Variants in MIPOL1 observed in about 807,000 individuals in gnomAD.
MIPOL1 encodes mirror-image polydactyly gene 1 protein.
Under a neutral mutation model 60.9 loss-of-function variants are expected in MIPOL1, and 57 were observed. That is an observed-to-expected ratio of 0.94 (90% CI 0.76 to 1.17). The LOEUF is 1.17. Among genes scored for constraint, MIPOL1 ranks in the 50% most tolerant of loss-of-function variants. MIPOL1 has a pLI of 0.00. For synonymous variants in MIPOL1, 179 were observed against 168.8 expected (o/e 1.06, Z -0.47); for missense variants, 551 against 511.6 (o/e 1.08, Z -0.74).
intron 5 of MIPOL1, 100 bp from the exon 6 acceptor site, chr14:37,270,317 TATA>T: frequency 1.9e-6 from 1 of 524,062 alleles, no homozygotes; most frequent in Non-Finnish European, 3.3e-6. Context: ...GGAAGTTAAA[TATA>T]ATATAAGAAT....
intron 11 of MIPOL1, among the ~76,000 whole-genome samples, chr14:37,496,892 C>A (rs1380794496): frequency 6.6e-6 from 1 of 151,742 alleles, no homozygotes; most frequent in East Asian, 1.9e-4. Flanking sequence ...CACTACCTGA[C>A]TTCAAACTAT....
chr14:37,438,185 A>G (rs2094191783), intron 11 of MIPOL1, among the ~76,000 whole-genome samples: 1 of 152,206 alleles, frequency 6.6e-6, no homozygotes, highest in Non-Finnish European at 1.5e-5. Context: ...CAAATCTAAT[A>G]ATCTTCATCA....
chr14:37,297,534 A>G, intron 7 of MIPOL1, among the ~76,000 whole-genome samples: 1 of 152,158 alleles, frequency 6.6e-6, no homozygotes, highest in African/African-American at 2.4e-5. Flanking sequence ...TGCAGATGAC[A>G]TGATTGTGTA....
intron 1 of MIPOL1, among the ~76,000 whole-genome samples, chr14:37,209,854 A>G (rs372174353): frequency 1.5e-4 from 23 of 149,216 alleles, no homozygotes; most frequent in African/African-American, 5.6e-4. Flanking sequence ...CAAGTGTGCC[A>G]CCACACCTGG....
intron 11 of MIPOL1, among the ~76,000 whole-genome samples, chr14:37,434,045 C>T (rs896945615): frequency 6.6e-6 from 1 of 152,102 alleles, no homozygotes; most frequent in Non-Finnish European, 1.5e-5. Flanking sequence ...TGGGTATATA[C>T]CCAGTAATGG....
intron 9 of MIPOL1, among the ~76,000 whole-genome samples, chr14:37,328,523 T>TA (rs1354096382): frequency 6.6e-6 from 1 of 152,146 alleles, no homozygotes; most frequent in Non-Finnish European, 1.5e-5. Flanking sequence ...AAATGAAATT[T>TA]AAAAAAATAT....
chr14:37,288,901 G>A (rs758446151), intron 7 of MIPOL1, among the ~76,000 whole-genome samples: 1 of 152,096 alleles, frequency 6.6e-6, no homozygotes, highest in Non-Finnish European at 1.5e-5. Context: ...AAAAGGGCTT[G>A]CATTCCTCAG....
At chr14:37,231,916 C>CA (rs1379121470) in intron 1 of MIPOL1, among the ~76,000 whole-genome samples, 1 of 151,360 alleles carries the variant, frequency 6.6e-6, no homozygotes, top group South Asian at 2.1e-4. Context: ...CGTATCTCTA[C>CA]AAAAAATTTT....
chr14:37,447,307 T>C (rs985020879), intron 11 of MIPOL1, among the ~76,000 whole-genome samples: 1 of 152,164 alleles, frequency 6.6e-6, no homozygotes, highest in African/African-American at 2.4e-5. Context: ...TACTTTTTAT[T>C]TCTACACCTA....
intron 7 of MIPOL1, among the ~76,000 whole-genome samples, chr14:37,294,239 G>A (rs2085392240): frequency 1.3e-5 from 2 of 152,174 alleles, no homozygotes; most frequent in Admixed American, 1.3e-4. Flanking sequence ...CAGACCTGCA[G>A]CTCAGGGTCC....
rs1051351987 is a variant in MIPOL1 at position 37,483,198 on chromosome 14, C to T, written c.1032-16710C>T. ...CATGATCCTGACTCACTCCAACCTC[C>T]GCCTCCTGGGTTCAAGCGATTCTCC... On this transcript the variant is annotated intron_variant, in intron 11 of 12. Coordinates refer to ENST00000684589, the MANE Select transcript of MIPOL1 (RefSeq NM_001388067.1). Among the ~76,000 whole-genome samples, 16 of 150,934 alleles carry T rather than the reference C, an allele frequency of 1.1e-4. 1 individual carries two copies. The highest frequency in any genetic ancestry group is 4.0e-4 in the Admixed American group (6 of 15,158).
chr14:37,449,815 CTTAA>C (rs1047620044), intron 11 of MIPOL1, among the ~76,000 whole-genome samples: 6 of 148,840 alleles, frequency 4.0e-5, no homozygotes, highest in African/African-American at 7.6e-5. Flanking sequence ...TATTTATTTA[CTTAA>C]TTTATTTTTT....
intron 10 of MIPOL1, among the ~76,000 whole-genome samples, chr14:37,382,465 C>T (rs2092950308): frequency 1.3e-5 from 2 of 152,042 alleles, no homozygotes; most frequent in African/African-American, 4.8e-5. Flanking sequence ...TTAGAGATTA[C>T]ATAAAATTCT....
At chr14:37,418,678 C>G (rs192594966) in intron 10 of MIPOL1, among the ~76,000 whole-genome samples, 4 of 152,060 alleles carry the variant, frequency 2.6e-5, no homozygotes, top group Admixed American at 2.0e-4. Context: ...ATTACTTAAG[C>G]TTTATGAACC....
At chr14:37,234,624 C>T (rs1833108998) in intron 1 of MIPOL1, among the ~76,000 whole-genome samples, 1 of 151,984 alleles carries the variant, frequency 6.6e-6, no homozygotes, top group Non-Finnish European at 1.5e-5. Flanking sequence ...CATGAGGCAC[C>T]ACACCTGGAC....
chr14:37,324,086 G>A (rs1164927209), intron 9 of MIPOL1, among the ~76,000 whole-genome samples: 1 of 151,942 alleles, frequency 6.6e-6, no homozygotes, highest in Non-Finnish European at 1.5e-5. Context: ...ACCTAAGAGT[G>A]GAATTGCTGG....
chr14:37,291,914 ATTTTTTTTTTTTTTTT>A (rs57230205), intron 7 of MIPOL1, among the ~76,000 whole-genome samples: 1 of 92,978 alleles, frequency 1.1e-5, no homozygotes, highest in South Asian at 3.9e-4. Flanking sequence ...AATGGCAATA[ATTTTTTTTTTTTTTTT>A]TTTTTTTTTT....
At chr14:37,220,262 C>A (rs1486375757) in intron 1 of MIPOL1, among the ~76,000 whole-genome samples, 2 of 151,952 alleles carry the variant, frequency 1.3e-5, no homozygotes, top group Non-Finnish European at 2.9e-5. Flanking sequence ...AATTTGAATG[C>A]TGAAATGCTG....
intron 9 of MIPOL1, among the ~76,000 whole-genome samples, chr14:37,350,406 C>T (rs1247393994): frequency 6.6e-6 from 1 of 151,166 alleles, no homozygotes; most frequent in Non-Finnish European, 1.5e-5. Context: ...TTTTCTTTTT[C>T]TTTCTTTCCT....
Sources: allele counts gnomAD v4.1 joint callset (sites outside exome capture counted in the v4.1 genomes callset), GRCh38; gene constraint gnomAD v4.1.1; transcripts MANE v1.5; gene names NCBI Gene and HGNC (gene_info 2026-07-23, HGNC 2026-07-21).